Variants in CCL20 observed in about 807,000 individuals in gnomAD.
CCL20 encodes the protein C-C motif chemokine ligand 20.
In CCL20, 8 loss-of-function variants were observed where a neutral mutation model predicts 10.8. The observed-to-expected ratio is 0.74, with a 90% CI of 0.44 to 1.34. The LOEUF is 1.34. Among genes scored for constraint, CCL20 ranks in the 40% most tolerant of loss-of-function variants. The pLI is 0.01. For missense variants in CCL20, 107 were observed against 117.9 expected, an observed-to-expected ratio of 0.91 and a Z score of 0.43; for synonymous variants, 40 against 39.4, an observed-to-expected ratio of 1.02 and a Z score of -0.06.
At chr2:227,815,639 C>T in intron 2 of CCL20, 71 bp downstream of exon 2, 1 of 838,036 alleles carries the variant, frequency 1.2e-6, no homozygotes. Flanking sequence ...AAAATGTTTG[C>T]CTTTTTAGAG....
chr2:227,816,052 A>G lies in CCL20; in HGVS notation c.192-255A>G. The stretch of plus-strand genomic sequence containing the variant: ...ATACATATTCTATGTAACCACCAAT[A>G]GCAAAATTATATGACAATTCTGGGA... On this transcript the variant is annotated intron_variant, in intron 2 of 3. Coordinates refer to ENST00000358813, the MANE Select transcript of CCL20 (RefSeq NM_004591.3). 6.8e-6 allele frequency: 3 copies of G among 444,324 alleles called. No individual in the cohort carries two copies. The South Asian group carries it at 9.9e-5, about 15-fold the overall frequency. 27.5% of individuals were successfully genotyped at this position (444,324 alleles called of 1,614,324 possible).
chr2:227,815,289 C>G (rs1690007494), intron 1 of CCL20, 165 bp from the exon 2 acceptor site: 1 of 474,612 alleles, frequency 2.1e-6, no homozygotes. Context: ...TCTCAACGAC[C>G]TTACAAAGGT....
rs1392988300 is a variant in CCL20, at chr2:227,816,382, C to T, written c.267C>T (p.Leu89=). The T allele has an allele frequency of 2.5e-6, 4 of 1,576,836 alleles. No individual in the cohort carries two copies. The highest frequency in any genetic ancestry group is 1.3e-5 in the African/African-American group (1 of 74,268). The change falls in exon 3 of 4, where the codon CTC becomes CTT. Residue 89 remains leucine, a splice_region_variant and synonymous_variant. Coordinates refer to ENST00000358813, the MANE Select transcript of CCL20 (RefSeq NM_004591.3). ...GGGTGAAATATATTGTGCGTCTCCT[C>T]AGGTATGTTACACTGACATTTAGCC... ...QTWVKYIVRL[L]SKKVKNM is the part of the protein sequence containing the mutation.
At chr2:227,815,622 A>C in intron 2 of CCL20, 54 bp downstream of exon 2, 1 of 985,938 alleles carries the variant, frequency 1.0e-6, no homozygotes, top group Non-Finnish European at 1.6e-6. Flanking sequence ...TAGAAACTTC[A>C]GTTTTAAAAA....
At chr2:227,814,481 C>T (rs1689993047) in intron 1 of CCL20, among the ~76,000 whole-genome samples, 1 of 150,144 alleles carries the variant, frequency 6.7e-6, no homozygotes, top group South Asian at 2.1e-4. Context: ...CCTTACCTTA[C>T]AGCATGTTGT....
At chr2:227,816,986 C>G (rs1283846317) in intron 3 of CCL20, 76 bp from the exon 4 acceptor site, 4 of 1,159,438 alleles carry the variant, frequency 3.4e-6, no homozygotes, top group Non-Finnish European at 2.6e-6. Context: ...GTGAAGCAAC[C>G]TTTAGGTACC....
At chr2:227,814,980 C>T (rs1350957596) in intron 1 of CCL20, among the ~76,000 whole-genome samples, 3 of 151,984 alleles carry the variant, frequency 2.0e-5, no homozygotes, top group Non-Finnish European at 4.4e-5. Context: ...ATCATATTTC[C>T]CTTTGTAGCT....
intron 1 of CCL20, among the ~76,000 whole-genome samples, chr2:227,815,185 G>A (rs1052484440): frequency 2.0e-5 from 3 of 152,106 alleles, no homozygotes; most frequent in Non-Finnish European, 4.4e-5. Context: ...TCCCACTTAT[G>A]AGAAGTCCTG....
At position 227,815,440 on chromosome 2, in the gene CCL20, T is replaced by C; in HGVS notation, c.77-14T>C. ...CATGTGGATCCAATACCTTTCACTT[T>C]TTTTTTTTTTTAGCAGCAAGCAACT... On this transcript the variant is annotated splice_polypyrimidine_tract_variant and intron_variant, in intron 1 of 3. Transcript: ENST00000358813. 1 of 1,280,094 alleles carries C rather than the reference T, an allele frequency of 7.8e-7. No individual in the cohort carries two copies. The highest frequency in any genetic ancestry group is 1.1e-6 in the Non-Finnish European group (1 of 912,408). 79.3% of individuals were successfully genotyped at this position (1,280,094 alleles called of 1,614,324 possible).
chr2:227,816,572 T>TA (rs371156972), intron 3 of CCL20, among the ~76,000 whole-genome samples, 188 bp downstream of exon 3: 1 of 152,208 alleles, frequency 6.6e-6, no homozygotes, highest in East Asian at 1.9e-4. Flanking sequence ...TTATTATTAT[T>TA]TTAATTTAGT....
chr2:227,814,695 T>C (rs2106160022), intron 1 of CCL20, among the ~76,000 whole-genome samples: 1 of 151,894 alleles, frequency 6.6e-6, no homozygotes, highest in African/African-American at 2.4e-5. Context: ...GAACCTCCAG[T>C]CTCAGCCTCT....
chr2:227,814,974 T>C (rs982218804), intron 1 of CCL20, among the ~76,000 whole-genome samples: 1 of 152,162 alleles, frequency 6.6e-6, no homozygotes, highest in Non-Finnish European at 1.5e-5. Context: ...CTATAAATCA[T>C]ATTTCCCTTT....
chr2:227,816,447 G>T (rs1690026683), intron 3 of CCL20, 63 bp downstream of exon 3: 2 of 851,554 alleles, frequency 2.3e-6, no homozygotes, highest in Non-Finnish European at 3.7e-6. Flanking sequence ...GCAAAGGGGT[G>T]GGCCGTAGGT....
intron 2 of CCL20, chr2:227,815,798 AT>A (rs576660837): frequency 4.6e-4 from 175 of 379,558 alleles, no homozygotes; most frequent in East Asian, 7.7e-4. Flanking sequence ...TTTTTTAAAA[AT>A]TTTTTTTGGT....
rs1690023056 is a variant in CCL20, at chr2:227,816,229, T to G, written c.192-78T>G. ...GTTTAGTGTGTAATCAACTGGAATA[T>G]AAAATTTCCATTGTATGTTCTATGA... On this transcript the variant is annotated intron_variant, in intron 2 of 3. Transcript: ENST00000358813. The G allele has an allele frequency of 3.8e-6, 3 of 798,204 alleles. 1 individual carries two copies. In the Admixed American group the frequency reaches 6.6e-5, roughly 18 times the overall value. 49.4% of individuals were successfully genotyped at this position (798,204 alleles called of 1,614,324 possible).
At position 227,817,130 on chromosome 2, in the gene CCL20, A is replaced by G. The variant is rs1271490974; in HGVS notation, c.*47A>G. The G allele has an allele frequency of 1.3e-6, 2 of 1,525,900 alleles. No individual in the cohort carries two copies. The highest frequency in any genetic ancestry group is 1.7e-5 in the Admixed American group (1 of 59,244). The allele number at this position is 1,525,900 out of a possible 1,614,324, so 94.5% of individuals were successfully genotyped here. A position where few individuals can be genotyped will look rare whatever the true frequency, so the allele number is the denominator to read the frequency against. On this transcript the variant is annotated 3_prime_UTR_variant, in exon 4 of 4. Coordinates refer to ENST00000358813, the MANE Select transcript of CCL20 (RefSeq NM_004591.3). Reference sequence around the variant, plus strand: ...GGAATTGGACATAGCCCAAGAACAGAAAGAACCTTGCTGGGGTTGGAGGTT... The same window carrying G: ...GGAATTGGACATAGCCCAAGAACAGGAAGAACCTTGCTGGGGTTGGAGGTT...
intron 2 of CCL20, 27 bp from the exon 3 acceptor site, chr2:227,816,280 C>T (rs748593591): frequency 6.8e-7 from 1 of 1,463,356 alleles, no homozygotes; most frequent in Non-Finnish European, 9.6e-7. Context: ...GCTCATTAAA[C>T]ACAAATCAAA....
chr2:227,814,038 C>A (rs78035651), intron 1 of CCL20, 51 bp downstream of exon 1: 6 of 1,501,556 alleles, frequency 4.0e-6, no homozygotes, highest in Non-Finnish European at 5.5e-6. Context: ...TTTCATTTTC[C>A]TTTTAGCCTT....
chr2:227,816,451 C>T (rs368254426), intron 3 of CCL20, 67 bp downstream of exon 3: 28 of 798,116 alleles, frequency 3.5e-5, no homozygotes, highest in Middle Eastern at 4.7e-4. Flanking sequence ...AGGGGTGGGC[C>T]GTAGGTTTTC....
Sources: gnomAD v4.1 joint callset for allele counts (sites outside exome capture counted in the v4.1 genomes callset) on GRCh38, gnomAD v4.1.1 for gene constraint, MANE v1.5 for transcripts, NCBI Gene and HGNC (gene_info 2026-07-23, HGNC 2026-07-21) for gene names.